The following KRABD1 variants were observed in gnomAD, a reference collection of about 807,000 sequenced individuals.
The protein encoded by KRABD1 is KRAB domain containing 1.
chr3:42,938,673 T>C, the KRABD1 span: 1 of 420,108 alleles, frequency 2.4e-6, no homozygotes, highest in Non-Finnish European at 4.4e-6. Context: ...TGGATGATTC[T>C]ACCTCCTTTT....
the KRABD1 span, chr3:42,941,281 T>A: frequency 6.3e-7 from 1 of 1,594,624 alleles, no homozygotes; most frequent in Non-Finnish European, 8.5e-7. Context: ...GAATGGGCCA[T>A]CATGGTGCCT....
At chr3:42,937,216 A>T in the KRABD1 span, 1 of 152,232 alleles carries the variant, frequency 6.6e-6, no homozygotes, top group Non-Finnish European at 1.5e-5. Context: ...TTCATAGGAT[A>T]ACATTCGATG....
the KRABD1 span, chr3:42,941,412 A>G: frequency 2.7e-6 from 4 of 1,471,476 alleles, no homozygotes; most frequent in African/African-American, 5.6e-5. Flanking sequence ...CTCTTTTATA[A>G]TTATTAGCTG....
chr3:42,937,433 C>T, the KRABD1 span: 8 of 152,252 alleles, frequency 5.3e-5, no homozygotes, highest in African/African-American at 1.7e-4. Context: ...GACCTTTTTG[C>T]TTAAGTCCTT....
chr3:42,941,872 C>G, the KRABD1 span: 1 of 801,648 alleles, frequency 1.2e-6, no homozygotes, highest in Admixed American at 2.0e-5. Flanking sequence ...TCCTCACCTC[C>G]CTTGCTTGTT....
At chr3:42,938,823 G>A in the KRABD1 span, 18 of 1,085,998 alleles carry the variant, frequency 1.7e-5, no homozygotes, top group Non-Finnish European at 2.4e-5. Context: ...AGTTATTATC[G>A]TTAATGTTTT....
At chr3:42,938,880 G>T in the KRABD1 span, 1 of 1,528,226 alleles carries the variant, frequency 6.5e-7, no homozygotes, top group Admixed American at 2.0e-5. Context: ...ACCCAGAAAG[G>T]AATAAAAGAG....
the KRABD1 span, chr3:42,941,861 C>T: frequency 2.7e-6 from 2 of 741,528 alleles, no homozygotes; most frequent in South Asian, 3.1e-5. Context: ...GGGAATTACT[C>T]TCCTCACCTC....
chr3:42,938,670 T>G, the KRABD1 span: 2 of 415,304 alleles, frequency 4.8e-6, no homozygotes, highest in Admixed American at 7.0e-5. Context: ...CCGTGGATGA[T>G]TCTACCTCCT....
the KRABD1 span, among the ~76,000 whole-genome samples, chr3:42,939,221 A>G: frequency 6.6e-6 from 1 of 152,146 alleles, no homozygotes; most frequent in African/African-American, 2.4e-5. Context: ...CTGCCTCCCA[A>G]GCAATCCACT....
the KRABD1 span, chr3:42,941,365 T>A: frequency 6.4e-7 from 1 of 1,571,448 alleles, no homozygotes; most frequent in African/African-American, 1.3e-5. Context: ...AAGGCCTCTC[T>A]GCTGCTGGTT....
At chr3:42,939,183 T>C in the KRABD1 span, among the ~76,000 whole-genome samples, 2 of 152,116 alleles carry the variant, frequency 1.3e-5, no homozygotes, top group African/African-American at 4.8e-5. Flanking sequence ...CATAGAACAT[T>C]ATTAGCACCC....
At chr3:42,941,134 C>G in the KRABD1 span, 1 of 1,262,768 alleles carries the variant, frequency 7.9e-7, no homozygotes, top group Non-Finnish European at 1.1e-6. Flanking sequence ...GAATACGTAT[C>G]ATTTGTAGAT....
the KRABD1 span, chr3:42,942,481 A>T: frequency 2.0e-6 from 1 of 505,532 alleles, no homozygotes; most frequent in East Asian, 3.3e-5. Flanking sequence ...ATTTTAAATA[A>T]TTTTTTATAC....
the KRABD1 span, among the ~76,000 whole-genome samples, chr3:42,939,587 T>C: frequency 1.3e-5 from 2 of 152,172 alleles, no homozygotes; most frequent in East Asian, 3.8e-4. Flanking sequence ...GTGAGTAAAA[T>C]TTTAGCTCAT....
the KRABD1 span, chr3:42,942,718 A>G: frequency 4.1e-6 from 2 of 492,602 alleles, no homozygotes. Context: ...GATGTCAAAT[A>G]CACATTTTCT....
the KRABD1 span, chr3:42,936,621 C>G: frequency 6.6e-6 from 1 of 152,294 alleles, no homozygotes; most frequent in Non-Finnish European, 1.5e-5. Flanking sequence ...CCCCTCGTTT[C>G]CCTGTACCCA....
At chr3:42,938,718 T>G in the KRABD1 span, 39 of 448,818 alleles carry the variant, frequency 8.7e-5, no homozygotes, top group Non-Finnish European at 9.4e-5. Context: ...CTCGCCTTTG[T>G]GAGATTGATA....
chr3:42,941,892 A>C, the KRABD1 span: 1 of 984,460 alleles, frequency 1.0e-6, no homozygotes, highest in Admixed American at 2.0e-5. Context: ...TCTTGTAGCC[A>C]CAGGCTTAAA....
Sources: allele counts gnomAD v4.1 joint callset (sites outside exome capture counted in the v4.1 genomes callset), GRCh38; gene constraint gnomAD v4.1.1; transcripts MANE v1.5; gene names NCBI Gene and HGNC (gene_info 2026-07-23, HGNC 2026-07-21).